The following MTHFD2L variants were observed in gnomAD, a reference collection of about 807,000 sequenced individuals.
MTHFD2L encodes bifunctional methylenetetrahydrofolate dehydrogenase/cyclohydrolase 2, mitochondrial.
MTHFD2L carries 29 observed loss-of-function variants against 34.9 expected under a neutral mutation model. The observed-to-expected ratio is 0.83, with a 90% CI of 0.62 to 1.13. The LOEUF is 1.13. MTHFD2L is among the 50% of genes most tolerant of loss of function. The pLI, the probability that MTHFD2L is intolerant of heterozygous loss-of-function variation, is 0.00. For synonymous variants in MTHFD2L, 167 were observed against 155.7 expected (o/e 1.07, Z -0.54); for missense variants, 481 against 446.5 (o/e 1.08, Z -0.70).
intron 3 of MTHFD2L, among the ~76,000 whole-genome samples, chr4:74,179,695 T>C (rs1473182117): frequency 6.6e-5 from 10 of 152,082 alleles, no homozygotes; most frequent in Admixed American, 5.9e-4. Context: ...ATAGAAAAAG[T>C]TGGTTAAAGT....
intron 6 of MTHFD2L, among the ~76,000 whole-genome samples, chr4:74,229,134 G>A (rs1038238164): frequency 6.6e-6 from 1 of 152,104 alleles, no homozygotes; most frequent in Non-Finnish European, 1.5e-5. Context: ...GGAAATTTAG[G>A]GGAAGAAAAT....
At position 74,151,754 on chromosome 4, in the gene MTHFD2L, C is replaced by T. The variant is rs374615542; in HGVS notation, c.-296-8301C>T. ...ATTAATAGATTATTTTAGTGAAAGT[C>T]GACATATTTACAATATTAAGCATCT... On this transcript the variant is annotated intron_variant, in intron 1 of 7. Coordinates refer to the MTHFD2L transcript ENST00000433372. Among the ~76,000 whole-genome samples, 9 of 152,246 alleles carry T rather than the reference C, an allele frequency of 5.9e-5. No homozygotes were observed. In the South Asian group the frequency reaches 1.0e-3, roughly 18 times the overall value.
intron 6 of MTHFD2L, among the ~76,000 whole-genome samples, chr4:74,256,258 T>G (rs1249418522): frequency 6.6e-6 from 1 of 152,118 alleles, no homozygotes; most frequent in Non-Finnish European, 1.5e-5. Context: ...TACAGGCGCA[T>G]GCCACCACAC....
rs964259621 is a variant in MTHFD2L at position 74,218,688 on chromosome 4, T to C, written c.713-6614T>C. Among the ~76,000 whole-genome samples the C allele has an allele frequency of 2.0e-5, 3 of 151,940 alleles. No homozygotes were observed. In the South Asian group the frequency reaches 6.2e-4, roughly 32 times the overall value. On this transcript the variant is annotated intron_variant, in intron 5 of 7. Coordinates refer to ENST00000325278, the MANE Select transcript of MTHFD2L (RefSeq NM_001144978.3). ...TGCTGTTTGTTCTAGCTTTGTTTTT[T>C]TATAAATAGCAAATATTATTTGCTT...
intron 6 of MTHFD2L, among the ~76,000 whole-genome samples, chr4:74,241,087 T>C (rs1578584092): frequency 6.6e-6 from 1 of 152,192 alleles, no homozygotes; most frequent in East Asian, 1.9e-4. Flanking sequence ...AGAAGTCATC[T>C]AGTTCTTAAT....
rs753359359 is a variant in MTHFD2L, at chr4:74,301,832, A to G, written c.*23A>G. ...TAGATCACATGAAAGGATAAAGCAA[A>G]CTGAAGTCATGCTATTTGTTTATTT... is the stretch of plus-strand genomic sequence containing the variant. On this transcript the variant is annotated 3_prime_UTR_variant, in exon 8 of 8. Coordinates refer to ENST00000325278, the MANE Select transcript of MTHFD2L (RefSeq NM_001144978.3). 9 of 1,438,684 alleles carry G rather than the reference A, an allele frequency of 6.3e-6. No individual in the cohort carries two copies. The highest frequency in any genetic ancestry group is 8.7e-6 in the Non-Finnish European group (9 of 1,036,812). 89.1% of individuals were successfully genotyped at this position (1,438,684 alleles called of 1,614,324 possible).
intron 3 of MTHFD2L, among the ~76,000 whole-genome samples, chr4:74,189,813 T>C (rs756604377): frequency 6.6e-6 from 1 of 152,164 alleles, no homozygotes; most frequent in Non-Finnish European, 1.5e-5. Flanking sequence ...TATCCTCATC[T>C]GTTTTTGAGT....
At chr4:74,167,250 CG>C (rs1323683911) in intron 1 of MTHFD2L, among the ~76,000 whole-genome samples, 1 of 152,168 alleles carries the variant, frequency 6.6e-6, no homozygotes, top group Non-Finnish European at 1.5e-5. Flanking sequence ...TGGGCCATGC[CG>C]GATGGCCCAT....
chr4:74,251,164 T>C (rs1743255930), intron 6 of MTHFD2L, among the ~76,000 whole-genome samples: 1 of 152,222 alleles, frequency 6.6e-6, no homozygotes, highest in Admixed American at 6.5e-5. Context: ...GGGTTAAGCC[T>C]ATCATGTAGA....
At chr4:74,116,433 C>T (rs1056995912) in intron 2 of MTHFD2L, among the ~76,000 whole-genome samples, 14 of 152,028 alleles carry the variant, frequency 9.2e-5, no homozygotes, top group African/African-American at 3.1e-4. Context: ...GAAATAAAGT[C>T]AGAGTGAGAG....
chr4:74,206,900 A>G (rs1735424934), intron 5 of MTHFD2L, among the ~76,000 whole-genome samples: 1 of 151,914 alleles, frequency 6.6e-6, no homozygotes, highest in African/African-American at 2.4e-5. Context: ...TTTTATTTTA[A>G]TTTTGAATTT....
At chr4:74,259,732 T>C (rs532939614) in intron 6 of MTHFD2L, among the ~76,000 whole-genome samples, 1 of 152,192 alleles carries the variant, frequency 6.6e-6, no homozygotes, top group Admixed American at 6.5e-5. Context: ...ATCAGCTATA[T>C]GTTTAACAGA....
chr4:74,275,444 T>C (rs1746491998), intron 6 of MTHFD2L, among the ~76,000 whole-genome samples: 1 of 152,166 alleles, frequency 6.6e-6, no homozygotes, highest in South Asian at 2.1e-4. Flanking sequence ...TGATTTATAA[T>C]CCCTTGGATA....
intron 7 of MTHFD2L, among the ~76,000 whole-genome samples, chr4:74,282,587 G>A (rs1747641907): frequency 1.3e-5 from 2 of 152,130 alleles, no homozygotes; most frequent in Admixed American, 1.3e-4. Flanking sequence ...CTATATATGT[G>A]AGATTCTAAG....
chr4:74,159,015 C>T (rs987399756), intron 1 of MTHFD2L, among the ~76,000 whole-genome samples: 4 of 152,190 alleles, frequency 2.6e-5, no homozygotes, highest in African/African-American at 7.2e-5. Flanking sequence ...TTCAGGGCTT[C>T]CAGAAATGCG....
At chr4:74,276,068 C>T (rs749066093) in intron 6 of MTHFD2L, among the ~76,000 whole-genome samples, 1 of 151,904 alleles carries the variant, frequency 6.6e-6, no homozygotes, top group Non-Finnish European at 1.5e-5. Flanking sequence ...TTTAACATGC[C>T]TTATGGAGGC....
chr4:74,147,973 T>G (rs558746436), intron 1 of MTHFD2L, among the ~76,000 whole-genome samples: 1 of 152,304 alleles, frequency 6.6e-6, no homozygotes, highest in South Asian at 2.1e-4. Context: ...TTTTTCACTC[T>G]GTTGATTATG....
chr4:74,179,963 C>T (rs1729804379), intron 3 of MTHFD2L, among the ~76,000 whole-genome samples: 1 of 152,046 alleles, frequency 6.6e-6, no homozygotes, highest in African/African-American at 2.4e-5. Context: ...TTACCTAAGT[C>T]ATACTAATGC....
At chr4:74,283,262 G>A (rs1166831555) in intron 7 of MTHFD2L, among the ~76,000 whole-genome samples, 1 of 152,090 alleles carries the variant, frequency 6.6e-6, no homozygotes, top group African/African-American at 2.4e-5. Flanking sequence ...TCACTTCCAT[G>A]CTTTCTTCTT....
Sources: gnomAD v4.1 joint callset for allele counts (sites outside exome capture counted in the v4.1 genomes callset) on GRCh38, gnomAD v4.1.1 for gene constraint, MANE v1.5 for transcripts, NCBI Gene and HGNC (gene_info 2026-07-23, HGNC 2026-07-21) for gene names.